The following KLRG1 variants were observed in gnomAD, a reference collection of about 807,000 sequenced individuals.
KLRG1 encodes killer cell lectin like receptor G1, also known as killer cell lectin-like receptor subfamily G member 1.
Under a neutral mutation model 21.8 loss-of-function variants are expected in KLRG1, and 16 were observed. The ratio of observed to expected loss-of-function variants is 0.73; its 90% CI spans 0.50 to 1.11. The LOEUF is 1.11. KLRG1 is among the 50% of genes most tolerant of loss of function. The pLI is 0.00. For synonymous variants in KLRG1, 69 were observed against 75.9 expected (o/e 0.91, Z 0.47); for missense variants, 173 against 218.3 (o/e 0.79, Z 1.31).
chr12:9,141,466 G>C, the KLRG1 span, among the ~76,000 whole-genome samples: 7 of 152,220 alleles, frequency 4.6e-5, no homozygotes, highest in South Asian at 8.3e-4. Flanking sequence ...TTAAAGAGCA[G>C]GTTAGTGCTT....
chr12:9,054,396 ACT>A, the KLRG1 span, among the ~76,000 whole-genome samples: 3 of 151,988 alleles, frequency 2.0e-5, no homozygotes, highest in Non-Finnish European at 2.9e-5. Flanking sequence ...TTTTCCTATG[ACT>A]CTTTATGAAA....
chr12:9,084,738 A>G, the KLRG1 span, among the ~76,000 whole-genome samples: 3 of 152,136 alleles, frequency 2.0e-5, no homozygotes, highest in Admixed American at 2.0e-4. Flanking sequence ...AAAGTGACTG[A>G]ATGGATTTAA....
chr12:9,031,488 C>G, the KLRG1 span, among the ~76,000 whole-genome samples: 3 of 152,278 alleles, frequency 2.0e-5, no homozygotes, highest in African/African-American at 4.8e-5. Flanking sequence ...TACCTTAGCT[C>G]TGGTTTCGGG....
the KLRG1 span, chr12:9,070,515 G>A: frequency 6.2e-7 from 1 of 1,613,846 alleles, no homozygotes; most frequent in Non-Finnish European, 8.5e-7. Flanking sequence ...TCAGGGGAAT[G>A]AAGCCAGAGA....
chr12:9,185,814 CT>C, the KLRG1 span, among the ~76,000 whole-genome samples: 8 of 147,296 alleles, frequency 5.4e-5, no homozygotes, highest in Non-Finnish European at 7.5e-5. Context: ...CTTTTCTTTT[CT>C]TTTTTTTTTT....
chr12:9,009,062 C>T lies in KLRG1; in HGVS notation c.445C>T (p.Leu149=). ...SGWRWEDGSP[L]NFSRISSNSF... ...CTGGAGGTGGGAAGATGGATCACCT[C>T]TAAACTTCTCAAGGTAAGGGGCTTC... Residue 149 remains leucine, a synonymous_variant, in exon 4 of 5, where the codon CTA becomes TTA. Coordinates refer to ENST00000356986, the MANE Select transcript of KLRG1 (RefSeq NM_005810.4). 6.2e-7 allele frequency: 1 copy of T among 1,612,236 alleles called. No homozygotes were observed. Among genetic ancestry groups the T allele is most frequent in the Non-Finnish European group, 8.5e-7 (1 of 1,178,992 alleles).
At chr12:9,172,984 A>G in the KLRG1 span, among the ~76,000 whole-genome samples, 3 of 152,260 alleles carry the variant, frequency 2.0e-5, no homozygotes, top group East Asian at 5.8e-4. Flanking sequence ...GACCTGATTG[A>G]TATCTACAGA....
the KLRG1 span, chr12:9,064,842 C>T: frequency 6.5e-6 from 1 of 152,970 alleles, no homozygotes; most frequent in Middle Eastern, 2.1e-3. This position sits in a 1 kb window ranked among gnomAD's most constrained non-coding sequence, Gnocchi z 4.0. Context: ...AGCGGTGTGG[C>T]CACCGCGCAC....
chr12:9,168,868 C>A, the KLRG1 span: 2 of 1,606,086 alleles, frequency 1.2e-6, no homozygotes, highest in African/African-American at 2.7e-5. Flanking sequence ...TGCTGTTTTA[C>A]CTCCATAGTA....
the KLRG1 span, among the ~76,000 whole-genome samples, chr12:9,048,995 CAA>C: frequency 3.3e-5 from 5 of 152,264 alleles, no homozygotes; most frequent in South Asian, 6.2e-4. Context: ...AAAGAACAAA[CAA>C]GAGAAAAACA....
the KLRG1 span, chr12:9,196,602 T>G: frequency 6.2e-7 from 1 of 1,613,000 alleles, no homozygotes; most frequent in Non-Finnish European, 8.5e-7. Context: ...TGGCTTCCAC[T>G]CTAAGCTTCA....
At chr12:9,069,857 AC>A in the KLRG1 span, 6 of 1,562,094 alleles carry the variant, frequency 3.8e-6, no homozygotes, top group Non-Finnish European at 5.3e-6. Flanking sequence ...AATAGATGAA[AC>A]CCCTGGGGGA....
At chr12:9,192,902 A>T in the KLRG1 span, among the ~76,000 whole-genome samples, 2 of 152,228 alleles carry the variant, frequency 1.3e-5, no homozygotes, top group African/African-American at 4.8e-5. Flanking sequence ...GTCTCCCAAC[A>T]TTCAAATATT....
At chr12:9,106,341 C>T in the KLRG1 span, 22 of 1,598,100 alleles carry the variant, frequency 1.4e-5, no homozygotes, top group Non-Finnish European at 1.9e-5. Context: ...CAGTCAATTC[C>T]ACCACTGAAA....
the KLRG1 span, among the ~76,000 whole-genome samples, chr12:9,020,491 A>G: frequency 6.6e-6 from 1 of 152,180 alleles, no homozygotes; most frequent in African/African-American, 2.4e-5. Flanking sequence ...AGAGTTTTAC[A>G]GTACATAGAG....
At chr12:9,026,851 C>T in the KLRG1 span, among the ~76,000 whole-genome samples, 57 of 151,688 alleles carry the variant, frequency 3.8e-4, 2 homozygotes, top group East Asian at 7.4e-3. Context: ...TTAAAAAAAT[C>T]GTGTGTGTGT....
At chr12:9,080,752 TG>T in the KLRG1 span, among the ~76,000 whole-genome samples, 1 of 152,158 alleles carries the variant, frequency 6.6e-6, no homozygotes, top group Non-Finnish European at 1.5e-5. Context: ...TTACTACTCA[TG>T]AACATACATT....
chr12:9,072,371 G>A, the KLRG1 span: 4 of 1,613,956 alleles, frequency 2.5e-6, no homozygotes, highest in Non-Finnish European at 2.5e-6. Flanking sequence ...GACACTTAGG[G>A]AGATTTGGAA....
At chr12:9,013,123 G>A (rs141293094), downstream of KLRG1, among the ~76,000 whole-genome samples, 43 of 152,268 alleles carry the variant, frequency 2.8e-4, no homozygotes, top group African/African-American at 9.1e-4. Flanking sequence ...ACTTCTATAA[G>A]TCTGCAAGAG....
Sources: allele counts gnomAD v4.1 joint callset (sites outside exome capture counted in the v4.1 genomes callset), GRCh38; gene constraint gnomAD v4.1.1; non-coding constraint Gnocchi (gnomAD v3.1); transcripts MANE v1.5; gene names NCBI Gene and HGNC (gene_info 2026-07-23, HGNC 2026-07-21).